The following RABGAP1L variants were observed in gnomAD, a reference collection of about 807,000 sequenced individuals.
RABGAP1L encodes the protein RAB GTPase activating protein 1 like.
A neutral mutation model predicts 137.7 loss-of-function variants in RABGAP1L; 63 were observed. That is an observed-to-expected ratio of 0.46 (90% CI 0.37 to 0.56). The LOEUF (loss-of-function observed/expected upper bound fraction) is 0.56. RABGAP1L is among the 20% of genes least tolerant of loss of function. The pLI, the probability that RABGAP1L is intolerant of heterozygous loss-of-function variation, is 0.00. For missense variants in RABGAP1L, 1,095 were observed against 1,244.0 expected (o/e 0.88, Z 1.80); for synonymous variants, 431 against 433.7 (o/e 0.99, Z 0.08).
At chr1:174,222,807 A>AG (rs1394234745) in intron 3 of RABGAP1L, among the ~76,000 whole-genome samples, 1 of 152,172 alleles carries the variant, frequency 6.6e-6, no homozygotes, top group Non-Finnish European at 1.5e-5. Flanking sequence ...TGATTGGTAA[A>AG]GTATTTAAGA....
At chr1:174,330,181 C>G (rs1680906650) in intron 11 of RABGAP1L, among the ~76,000 whole-genome samples, 1 of 152,030 alleles carries the variant, frequency 6.6e-6, no homozygotes, top group African/African-American at 2.4e-5. Context: ...ACTCTTAGAA[C>G]TAATAAACAA....
In RABGAP1L at chr1:174,993,122, CAT is replaced by C. The variant is rs1361332852; in HGVS notation, c.*3124_*3125del. On this transcript the variant is annotated 3_prime_UTR_variant, in exon 26 of 26. Coordinates refer to ENST00000681986, the MANE Select transcript of RABGAP1L (RefSeq NM_001366446.1). ...AGAAACCAAGCTGGATTTTGCAGTGCATATGTTTGCTAGCTTCCCACATCCTG... is the reference window on the plus strand; with the variant it reads ...AGAAACCAAGCTGGATTTTGCAGTGCATGTTTGCTAGCTTCCCACATCCTG... The C allele has an allele frequency of 4.6e-5, 7 of 152,270 alleles. No individual in the cohort carries two copies. In the East Asian group the frequency reaches 7.7e-4, roughly 17 times the overall value. The allele number at this position is 152,270 out of a possible 1,614,324, so 9.4% of individuals were successfully genotyped here. A position where few individuals can be genotyped will look rare whatever the true frequency, so the allele number is the denominator to read the frequency against.
intron 10 of RABGAP1L, among the ~76,000 whole-genome samples, chr1:174,287,799 A>G (rs894416547): frequency 2.0e-5 from 3 of 152,122 alleles, no homozygotes; most frequent in African/African-American, 4.8e-5. Context: ...AGCCTACTCT[A>G]TATCTTTTGA....
At chr1:174,362,704 A>G (rs1171778536) in intron 11 of RABGAP1L, among the ~76,000 whole-genome samples, 1 of 152,164 alleles carries the variant, frequency 6.6e-6, no homozygotes, top group Non-Finnish European at 1.5e-5. Flanking sequence ...AAATTGCAAA[A>G]ATGTTCTCCC....
chr1:174,706,841 A>ACT (rs1423767328), intron 17 of RABGAP1L, among the ~76,000 whole-genome samples: 1 of 152,032 alleles, frequency 6.6e-6, no homozygotes, highest in Non-Finnish European at 1.5e-5. Flanking sequence ...TACAATACGA[A>ACT]CTCTTTTCTG....
chr1:174,942,036 C>G (rs1194595256), intron 19 of RABGAP1L, among the ~76,000 whole-genome samples: 2 of 152,134 alleles, frequency 1.3e-5, no homozygotes, highest in Non-Finnish European at 2.9e-5. Flanking sequence ...AGGAACAGAT[C>G]CAGCTTTGGG....
chr1:174,834,381 G>A (rs1692497992), intron 19 of RABGAP1L, among the ~76,000 whole-genome samples: 1 of 149,854 alleles, frequency 6.7e-6, no homozygotes, highest in Admixed American at 6.7e-5. Context: ...AGCCAAGATG[G>A]CACCATTGCA....
intron 19 of RABGAP1L, among the ~76,000 whole-genome samples, chr1:174,867,153 C>T (rs1328075618): frequency 2.0e-5 from 3 of 151,860 alleles, no homozygotes; most frequent in Non-Finnish European, 1.5e-5. Context: ...GAGGCTGAGG[C>T]GGCCGGATCA....
intron 4 of RABGAP1L, 111 bp downstream of exon 4, chr1:174,231,466 T>C (rs111939002): frequency 0.011 from 10,385 of 971,516 alleles, 75 homozygotes; most frequent in Non-Finnish European, 0.013. Flanking sequence ...ACTGTAGACA[T>C]GCAGAGTAAA....
At chr1:174,859,953 CTTT>C (rs746676430) in intron 19 of RABGAP1L, among the ~76,000 whole-genome samples, 1 of 95,146 alleles carries the variant, frequency 1.1e-5, no homozygotes, top group Non-Finnish European at 2.0e-5. Flanking sequence ...TAGTCCAATG[CTTT>C]TTTTTTTTTT....
rs139269617 is a variant in RABGAP1L at position 174,407,935 on chromosome 1, C to T, written c.1710+13790C>T. ...TCACATGGAGATGATTAGCATTACA[C>T]GGCATTTCAAGCAGATACACTCACC... On this transcript the variant is annotated intron_variant, in intron 13 of 25. Transcript: ENST00000681986. 3.1e-4 allele frequency among the ~76,000 whole-genome samples: 47 copies of T among 152,166 alleles called. 1 individual carries two copies. The East Asian group carries it at 8.7e-3, about 28-fold the overall frequency.
intron 19 of RABGAP1L, among the ~76,000 whole-genome samples, chr1:174,928,974 G>C (rs1273983576): frequency 6.6e-6 from 1 of 151,728 alleles, no homozygotes; most frequent in East Asian, 1.9e-4. Flanking sequence ...TTGTAAAGAA[G>C]ATTGGCTGTT....
At position 174,348,325 on chromosome 1, in the gene RABGAP1L, C is replaced by A. The variant is rs543987378; in HGVS notation, c.1466-22654C>A. 2.1e-5 allele frequency among the ~76,000 whole-genome samples: 3 copies of A among 142,134 alleles called. No homozygotes were observed. In the East Asian group the frequency reaches 7.5e-4, roughly 35 times the overall value. 93.2% of individuals were successfully genotyped at this position (142,134 alleles called of 152,430 possible). A position where few individuals can be genotyped will look rare whatever the true frequency, so the allele number is the denominator to read the frequency against. On this transcript the variant is annotated intron_variant, in intron 11 of 25. Coordinates refer to ENST00000681986, the MANE Select transcript of RABGAP1L (RefSeq NM_001366446.1). Reference sequence around the variant, plus strand: ...TTGCCATTACTTTCAATAGCAAAAACTGTGATTACTTTTGCACCAACCTAG... The same window carrying A: ...TTGCCATTACTTTCAATAGCAAAAAATGTGATTACTTTTGCACCAACCTAG...
At chr1:174,521,888 G>A (rs1395788527) in intron 13 of RABGAP1L, among the ~76,000 whole-genome samples, 1 of 152,092 alleles carries the variant, frequency 6.6e-6, no homozygotes, top group East Asian at 1.9e-4. Context: ...AGACCAGCCT[G>A]ACCAACATAG....
intron 11 of RABGAP1L, among the ~76,000 whole-genome samples, chr1:174,350,476 C>T (rs1265271587): frequency 3.5e-5 from 4 of 114,874 alleles, no homozygotes; most frequent in Non-Finnish European, 5.5e-5. Context: ...GAGGCGCTCC[C>T]CACATCTCAG....
At chr1:174,742,077 AG>A (rs139584090) in intron 17 of RABGAP1L, among the ~76,000 whole-genome samples, 28,990 of 69,502 alleles carry the variant, frequency 0.42, 7,579 homozygotes, top group African/African-American at 0.74. Flanking sequence ...GAGGAGGGGG[AG>A]GGGGGAGGAG....
intron 14 of RABGAP1L, among the ~76,000 whole-genome samples, chr1:174,656,180 G>C (rs374290382): frequency 6.6e-6 from 1 of 152,112 alleles, no homozygotes; most frequent in South Asian, 2.1e-4. Flanking sequence ...ATTCAGGCTG[G>C]GCATAGTGGC....
Position 174,990,221 on chromosome 1 carries a change from T to C in RABGAP1L, c.*220T>C, listed in dbSNP as rs1012854827. ...CTATTTTCCAGCTTCTGGAAGGCCA[T>C]GTTCAGATCCATCATAGTATTACAC... On this transcript the variant is annotated 3_prime_UTR_variant, in exon 26 of 26. Coordinates refer to ENST00000681986, the MANE Select transcript of RABGAP1L (RefSeq NM_001366446.1). The C allele has an allele frequency of 2.0e-6, 1 of 497,786 alleles. No individual in the cohort carries two copies. The highest frequency in any genetic ancestry group is 4.1e-5 in the South Asian group (1 of 24,430). The allele number at this position is 497,786 out of a possible 1,614,324, so 30.8% of individuals were successfully genotyped here.
chr1:174,493,708 C>T (rs1297652481), intron 13 of RABGAP1L, among the ~76,000 whole-genome samples: 2 of 150,772 alleles, frequency 1.3e-5, no homozygotes. Context: ...GTAGTTTCAG[C>T]TACTTGGGAG....
Sources: allele counts gnomAD v4.1 joint callset (sites outside exome capture counted in the v4.1 genomes callset), GRCh38; gene constraint gnomAD v4.1.1; transcripts MANE v1.5; gene names NCBI Gene and HGNC (gene_info 2026-07-23, HGNC 2026-07-21).